The following ADIPOR2 variants were observed in gnomAD, a reference collection of about 807,000 sequenced individuals.
ADIPOR2 encodes the protein adiponectin receptor 2.
A neutral mutation model predicts 40.9 loss-of-function variants in ADIPOR2; 18 were observed. The ratio of observed to expected loss-of-function variants is 0.44; its 90% CI spans 0.30 to 0.65. ADIPOR2 has a LOEUF of 0.65. Ranked by LOEUF, ADIPOR2 falls within the 30% of genes least tolerant of loss-of-function variation. The probability of loss-of-function intolerance (pLI) is 0.09; values close to 1 mark genes in which losing one functional copy is unlikely to be tolerated. For missense variants in ADIPOR2, 283 were observed against 479.2 expected (o/e 0.59, Z 3.82); for synonymous variants, 165 against 166.4 (o/e 0.99, Z 0.06).
intron 1 of ADIPOR2, among the ~76,000 whole-genome samples, chr12:1,721,827 A>C (rs1267779396): frequency 1.3e-5 from 2 of 152,222 alleles, no homozygotes; most frequent in Admixed American, 1.3e-4. Context: ...ATAGGGAACC[A>C]TGTTACACAA....
At chr12:1,746,048 G>A (rs1177943997) in intron 1 of ADIPOR2, among the ~76,000 whole-genome samples, 1 of 151,648 alleles carries the variant, frequency 6.6e-6, no homozygotes, top group Non-Finnish European at 1.5e-5. Flanking sequence ...TCATCTTCCT[G>A]ATGGATTAAA....
intron 1 of ADIPOR2, among the ~76,000 whole-genome samples, chr12:1,737,059 A>G (rs1460036780): frequency 6.6e-6 from 1 of 152,176 alleles, no homozygotes; most frequent in East Asian, 1.9e-4. Flanking sequence ...AGACTGAGCA[A>G]CCTGCACAAA....
chr12:1,740,467 T>A (rs1485693970), intron 1 of ADIPOR2, among the ~76,000 whole-genome samples: 1 of 151,892 alleles, frequency 6.6e-6, no homozygotes, highest in Admixed American at 6.6e-5. Context: ...TGTCTCTTCT[T>A]ACAAGGACAT....
intron 1 of ADIPOR2, among the ~76,000 whole-genome samples, chr12:1,718,751 G>A (rs983386816): frequency 6.6e-6 from 1 of 152,116 alleles, no homozygotes; most frequent in Non-Finnish European, 1.5e-5. Context: ...AGTGTGGCAG[G>A]CTTTCACTGT....
chr12:1,743,310 T>TAAAAAA (rs137936686), intron 1 of ADIPOR2, among the ~76,000 whole-genome samples: 1 of 88,600 alleles, frequency 1.1e-5, no homozygotes, highest in Non-Finnish European at 2.2e-5. Flanking sequence ...AGACGCTGTC[T>TAAAAAA]AAAAAAAAAA....
At chr12:1,727,908 G>C (rs368854388) in intron 1 of ADIPOR2, among the ~76,000 whole-genome samples, 4 of 151,918 alleles carry the variant, frequency 2.6e-5, no homozygotes, top group African/African-American at 9.7e-5. Flanking sequence ...AACTGAGGAG[G>C]TTTAGGAATT....
At chr12:1,744,138 G>T (rs972767972) in intron 1 of ADIPOR2, among the ~76,000 whole-genome samples, 9 of 148,072 alleles carry the variant, frequency 6.1e-5, no homozygotes, top group South Asian at 2.2e-4. Context: ...ACGGAGTCTT[G>T]CTGTGTCGCC....
intron 1 of ADIPOR2, among the ~76,000 whole-genome samples, chr12:1,708,805 C>T (rs957351870): frequency 7.9e-5 from 12 of 151,996 alleles, no homozygotes; most frequent in African/African-American, 2.2e-4. Flanking sequence ...CTGCAACATC[C>T]GCCTCCCAGG....
At chr12:1,782,887 A>T (rs191234365) in intron 6 of ADIPOR2, among the ~76,000 whole-genome samples, 79 of 152,140 alleles carry the variant, frequency 5.2e-4, no homozygotes, top group Admixed American at 2.7e-3. Context: ...AAAGGCATTT[A>T]ACAATTTTTA....
chr12:1,717,846 T>G (rs2094690652), intron 1 of ADIPOR2, among the ~76,000 whole-genome samples: 1 of 152,206 alleles, frequency 6.6e-6, no homozygotes, highest in Non-Finnish European at 1.5e-5. Context: ...TGTTCATTGT[T>G]TAGTTCATTG....
At chr12:1,765,705 A>G (rs544691520) in intron 2 of ADIPOR2, among the ~76,000 whole-genome samples, 118 of 152,282 alleles carry the variant, frequency 7.7e-4, no homozygotes, top group Non-Finnish European at 1.5e-3. Flanking sequence ...TTCTAAATCT[A>G]TCATCTTAGT....
rs745878349 is a variant in ADIPOR2 at position 1,781,041 on chromosome 12, T to C, written c.803T>C (p.Met268Thr). The change falls in exon 6 of 8, where the codon ATG becomes ACG. Residue 268 changes from methionine (M) to threonine (T), a missense_variant. By Grantham distance (81) the Met-to-Thr change is moderately conservative. Transcript: ENST00000357103. ...IAAIIVSQWDMFATPQYRGVR... is the reference protein window; with the variant it reads ...IAAIIVSQWDTFATPQYRGVR... Reference sequence around the variant, plus strand: ...GCCATTATAGTCTCCCAGTGGGACATGTTTGCCACCCCTCAGTATCGGGGA... The same window carrying C: ...GCCATTATAGTCTCCCAGTGGGACACGTTTGCCACCCCTCAGTATCGGGGA... 62 of 1,611,776 alleles carry C rather than the reference T, an allele frequency of 3.8e-5. No homozygotes were observed. Among genetic ancestry groups the C allele is most frequent in the Non-Finnish European group, 5.1e-5 (60 of 1,179,242 alleles).
chr12:1,757,142 G>T, intron 2 of ADIPOR2: 1 of 267,790 alleles, frequency 3.7e-6, no homozygotes, highest in Non-Finnish European at 7.0e-6. Flanking sequence ...TAGCCAATTT[G>T]AGATTCATAA....
At chr12:1,749,130 A>G (rs1036715485) in intron 1 of ADIPOR2, among the ~76,000 whole-genome samples, 4 of 152,220 alleles carry the variant, frequency 2.6e-5, no homozygotes. Context: ...CAAAGGTTAC[A>G]GATGAAGGGA....
Position 1,783,900 on chromosome 12 carries a change from C to T in ADIPOR2, c.859C>T (p.Leu287=), listed in dbSNP as rs747889151. Residue 287 remains leucine (L), a synonymous_variant, in exon 7 of 8, where the codon CTG becomes TTG. Transcript: ENST00000357103. ...CCTAGGAGTGTTTTTGGGCCTAGGCCTGAGTGGAATCATTCCTACCTTGCA... is the reference window on the plus strand; with the variant it reads ...CCTAGGAGTGTTTTTGGGCCTAGGCTTGAGTGGAATCATTCCTACCTTGCA... ...VRAGVFLGLG[L]SGIIPTLHYV... is the part of the protein sequence containing the mutation. 6.2e-7 allele frequency: 1 copy of T among 1,609,372 alleles called. No individual in the cohort carries two copies. The highest frequency in any genetic ancestry group is 1.3e-5 in the African/African-American group (1 of 74,626).
intron 2 of ADIPOR2, among the ~76,000 whole-genome samples, chr12:1,766,927 G>A (rs965809121): frequency 2.6e-5 from 4 of 152,154 alleles, no homozygotes; most frequent in Admixed American, 6.5e-5. Flanking sequence ...ATAGACTCTT[G>A]TCAATCACTT....
Position 1,779,799 on chromosome 12 carries a change from C to T in ADIPOR2, c.464-652C>T, listed in dbSNP as rs528785866. Among the ~76,000 whole-genome samples, 19 of 152,286 alleles carry T rather than the reference C, an allele frequency of 1.2e-4. No individual in the cohort carries two copies. In the East Asian group the frequency reaches 3.3e-3, roughly 26 times the overall value. On this transcript the variant is annotated intron_variant, in intron 4 of 7. Transcript: ENST00000357103. Reference sequence around the variant, plus strand: ...AATGATAAAACAATTACTTAGCAAACGTTGAAGTTGAAATTTCTGTGCCTG... The same window carrying T: ...AATGATAAAACAATTACTTAGCAAATGTTGAAGTTGAAATTTCTGTGCCTG...
At chr12:1,694,376 T>C (rs1226707397) in intron 1 of ADIPOR2, among the ~76,000 whole-genome samples, 1 of 152,254 alleles carries the variant, frequency 6.6e-6, no homozygotes, top group South Asian at 2.1e-4. Context: ...AATATCAAGA[T>C]GCACAGATGC....
intron 1 of ADIPOR2, among the ~76,000 whole-genome samples, chr12:1,742,658 A>G (rs1342731307): frequency 6.6e-6 from 1 of 152,222 alleles, no homozygotes; most frequent in African/African-American, 2.4e-5. Context: ...ATCTTCCTGT[A>G]TATTGTAAAT....
Sources: allele counts gnomAD v4.1 joint callset (sites outside exome capture counted in the v4.1 genomes callset), GRCh38; gene constraint gnomAD v4.1.1; transcripts MANE v1.5; gene names NCBI Gene and HGNC (gene_info 2026-07-23, HGNC 2026-07-21).